Variants in TFB2M observed in about 807,000 individuals in gnomAD.
TFB2M encodes dimethyladenosine transferase 2, mitochondrial.
TFB2M carries 44 observed loss-of-function variants against 41.3 expected under a neutral mutation model. That is an observed-to-expected ratio of 1.07 (90% CI 0.84 to 1.37). The LOEUF is 1.37. Among genes scored for constraint, TFB2M ranks in the 40% most tolerant of loss-of-function variants. The probability of loss-of-function intolerance (pLI) is 0.00; values close to 1 mark genes in which losing one functional copy is unlikely to be tolerated. For missense variants in TFB2M, 496 were observed against 490.2 expected (o/e 1.01, Z -0.11); for synonymous variants, 188 against 176.8 (o/e 1.06, Z -0.50).
In TFB2M at chr1:246,544,620, A is replaced by G. The variant is rs2102982939; in HGVS notation, c.920T>C (p.Leu307Ser). ...YLIQMIPRQN[L>S]FTKNLTPMNY... ...CATAGGTGTTAAGTTCTTGGTAAAT[A>G]AATTTTGACGAGGAATCATTTGAAT... The change falls in exon 7 of 8, where the codon TTA becomes TCA. Residue 307 changes from leucine to serine, a missense_variant. Transcript: ENST00000366514. The G allele has an allele frequency of 6.2e-7, 1 of 1,609,082 alleles. No individual in the cohort carries two copies. The highest frequency in any genetic ancestry group is 2.2e-5 in the East Asian group (1 of 44,826).
chr1:246,560,431 G>T (rs1012004190), intron 2 of TFB2M, among the ~76,000 whole-genome samples: 1 of 152,154 alleles, frequency 6.6e-6, no homozygotes, highest in African/African-American at 2.4e-5. Context: ...GCTGAGGTGG[G>T]AGAATCACCT....
At chr1:246,556,221 T>C (rs1306471584) in intron 4 of TFB2M, among the ~76,000 whole-genome samples, 1 of 152,174 alleles carries the variant, frequency 6.6e-6, no homozygotes, top group Admixed American at 6.5e-5. Flanking sequence ...TAAACTTACA[T>C]GAGGTAAAGA....
At position 246,544,455 on chromosome 1, in the gene TFB2M, T is replaced by C. The variant is rs796295890; in HGVS notation, c.1019+66A>G. On this transcript the variant is annotated intron_variant, in intron 7 of 7. Coordinates refer to ENST00000366514, the MANE Select transcript of TFB2M (RefSeq NM_022366.3). ...GTCAATCAAGATATAAAAATAGATC[T>C]CTAGCATGAAAGAATAATTTGTGCA... 2.4e-5 allele frequency: 34 copies of C among 1,397,928 alleles called. No homozygotes were observed. In the African/African-American group the frequency reaches 4.3e-4, roughly 18 times the overall value. The allele number at this position is 1,397,928 out of a possible 1,614,324, so 86.6% of individuals were successfully genotyped here.
chr1:246,548,666 C>T (rs1434015144), intron 5 of TFB2M, 59 bp from the exon 6 acceptor site: 2 of 1,517,632 alleles, frequency 1.3e-6, no homozygotes, highest in East Asian at 2.3e-5. Context: ...CAAAGTGCCC[C>T]AGTTATTACT....
chr1:246,559,305 T>C (rs1659397064), intron 2 of TFB2M, among the ~76,000 whole-genome samples: 1 of 152,040 alleles, frequency 6.6e-6, no homozygotes, highest in Non-Finnish European at 1.5e-5. Flanking sequence ...TACCAGCACT[T>C]TGGGAGGCCA....
Position 246,544,509 on chromosome 1 carries a change from C to A in TFB2M, c.1019+12G>T. 6.3e-7 allele frequency: 1 copy of A among 1,579,566 alleles called. No individual in the cohort carries two copies. Among genetic ancestry groups the A allele is most frequent in the South Asian group, 1.2e-5 (1 of 84,332 alleles). ...TTGCTACTTTATACTTGCTTTTATT[C>A]TTTTTACTCACCGTAAGTGGTCTAT... On this transcript the variant is annotated intron_variant, in intron 7 of 7. Transcript: ENST00000366514.
Position 246,559,375 on chromosome 1 carries a change from C to G in TFB2M, c.403-1841G>C, listed in dbSNP as rs138996717. 8.5e-4 allele frequency among the ~76,000 whole-genome samples: 129 copies of G among 152,206 alleles called. 2 individuals carry two copies. The highest frequency in any genetic ancestry group is 3.1e-3 in the African/African-American group (127 of 41,540). On this transcript the variant is annotated intron_variant, in intron 2 of 7. Transcript: ENST00000366514. Reference sequence around the variant, plus strand: ...ATGAGCACGGCCAACATGGTGAAACCCTGTCTCTACTAAAAATACAAAAGT... The same window carrying G: ...ATGAGCACGGCCAACATGGTGAAACGCTGTCTCTACTAAAAATACAAAAGT...
intron 4 of TFB2M, among the ~76,000 whole-genome samples, chr1:246,553,203 A>G (rs55873125): frequency 0.4 from 60,308 of 151,870 alleles, 12,606 homozygotes; most frequent in Non-Finnish European, 0.46. Context: ...CCTGGGCGAC[A>G]GAGCAAGACT....
At chr1:246,548,665 CCA>C (rs1659090634) in intron 5 of TFB2M, 58 bp from the exon 6 acceptor site, 1 of 1,515,128 alleles carries the variant, frequency 6.6e-7, no homozygotes, top group Non-Finnish European at 9.1e-7. Flanking sequence ...TCAAAGTGCC[CCA>C]GTTATTACTT....
At chr1:246,559,582 T>C (rs1208699452) in intron 2 of TFB2M, among the ~76,000 whole-genome samples, 1 of 152,144 alleles carries the variant, frequency 6.6e-6, no homozygotes, top group African/African-American at 2.4e-5. Context: ...TAGTACATTT[T>C]AACAATCACT....
Position 246,541,037 on chromosome 1 carries a change from ATCT to A in TFB2M, c.1182_1184del (p.Glu394del). 1 of 1,609,618 alleles carries A rather than the reference ATCT, an allele frequency of 6.2e-7. No homozygotes were observed. Among genetic ancestry groups the A allele is most frequent in the Non-Finnish European group, 8.5e-7 (1 of 1,177,840 alleles). On this transcript the variant is annotated inframe_deletion, in exon 8 of 8. Coordinates refer to ENST00000366514, the MANE Select transcript of TFB2M (RefSeq NM_022366.3). ...AAAAACGACAGTCTAGTTGCTACCT[ATCT>A]TCCAGGGTTTCATCATACAGCCATT...
chr1:246,565,698 G>A, intron 1 of TFB2M, 128 bp downstream of exon 1: 5 of 1,067,976 alleles, frequency 4.7e-6, no homozygotes, highest in Non-Finnish European at 6.6e-6. Context: ...GCAACACAGC[G>A]AGACTCCGTC....
At chr1:246,560,089 A>G (rs1177332355) in intron 2 of TFB2M, among the ~76,000 whole-genome samples, 1 of 151,218 alleles carries the variant, frequency 6.6e-6, no homozygotes, top group African/African-American at 2.4e-5. Context: ...AGATGTATGC[A>G]TGGACTTTTT....
In TFB2M at chr1:246,545,096, G is replaced by A. The variant is rs189290855; in HGVS notation, c.859-415C>T. On this transcript the variant is annotated intron_variant, in intron 6 of 7. Coordinates refer to ENST00000366514, the MANE Select transcript of TFB2M (RefSeq NM_022366.3). ...GCTGGGATTACAGGCGTGAGCCACC[G>A]TGCCCGGCCCACATTTTCTTATTGT... Among the ~76,000 whole-genome samples the A allele has an allele frequency of 5.5e-3, 836 of 151,258 alleles. 5 individuals carry two copies. Among genetic ancestry groups the A allele is most frequent in the Non-Finnish European group, 8.7e-3 (589 of 67,480 alleles).
At chr1:246,546,237 G>A (rs115396182) in intron 6 of TFB2M, among the ~76,000 whole-genome samples, 2,982 of 151,938 alleles carry the variant, frequency 0.02, 113 homozygotes, top group African/African-American at 0.067. Context: ...CTTGAGTCCC[G>A]GGAGTTTGAG....
At chr1:246,546,983 A>ACACACACACACCC (rs764498048) in intron 6 of TFB2M, among the ~76,000 whole-genome samples, 3 of 127,176 alleles carry the variant, frequency 2.4e-5, no homozygotes, top group Non-Finnish European at 5.0e-5. Context: ...ACACACACAC[A>ACACACACACACCC]TTTTTTTTTT....
intron 7 of TFB2M, among the ~76,000 whole-genome samples, chr1:246,542,640 CCA>C (rs1294706796): frequency 6.6e-6 from 1 of 152,128 alleles, no homozygotes; most frequent in African/African-American, 2.4e-5. Context: ...CCACTGTACT[CCA>C]GACTGGGCAA....
chr1:246,544,777 A>G, intron 6 of TFB2M, 96 bp from the exon 7 acceptor site: 1 of 1,069,744 alleles, frequency 9.3e-7, no homozygotes, highest in Non-Finnish European at 1.3e-6. Flanking sequence ...TGAAAGACAC[A>G]ATCACCACAG....
intron 1 of TFB2M, among the ~76,000 whole-genome samples, 166 bp from the exon 2 acceptor site, chr1:246,564,600 A>G (rs181811748): frequency 1.3e-5 from 2 of 152,232 alleles, no homozygotes; most frequent in East Asian, 3.9e-4. Context: ...ACAGGAGATT[A>G]TATATACTTA....
Sources: allele counts gnomAD v4.1 joint callset (sites outside exome capture counted in the v4.1 genomes callset), GRCh38; gene constraint gnomAD v4.1.1; transcripts MANE v1.5; gene names NCBI Gene and HGNC (gene_info 2026-07-23, HGNC 2026-07-21).